Variants in GPATCH2 observed in about 807,000 individuals in gnomAD.
The protein encoded by GPATCH2 is G-patch domain containing 2, also known as G patch domain-containing protein 2.
GPATCH2 carries 51 observed loss-of-function variants against 58.0 expected under a neutral mutation model. That is an observed-to-expected ratio of 0.88 (90% CI 0.70 to 1.11). The LOEUF (loss-of-function observed/expected upper bound fraction) is 1.11. Ranked by LOEUF, GPATCH2 falls within the 50% of genes most tolerant of loss-of-function variation. The pLI is 0.00. For missense variants in GPATCH2, 625 were observed against 652.2 expected, an observed-to-expected ratio of 0.96 and a Z score of 0.45; for synonymous variants, 222 against 218.5, an observed-to-expected ratio of 1.02 and a Z score of -0.14.
chr1:217,595,517 T>C (rs1667780737), intron 5 of GPATCH2, among the ~76,000 whole-genome samples: 1 of 152,016 alleles, frequency 6.6e-6, no homozygotes, highest in African/African-American at 2.4e-5. Context: ...CTTTTTTTTT[T>C]TGATGGAGTC....
At chr1:217,456,727 T>C (rs1339309308) in intron 8 of GPATCH2, among the ~76,000 whole-genome samples, 1 of 152,220 alleles carries the variant, frequency 6.6e-6, no homozygotes. Flanking sequence ...ATAGACTCAG[T>C]AGTTTTAAAG....
At chr1:217,506,947 C>T (rs1028281674) in intron 6 of GPATCH2, among the ~76,000 whole-genome samples, 3 of 152,178 alleles carry the variant, frequency 2.0e-5, no homozygotes, top group Non-Finnish European at 2.9e-5. Flanking sequence ...CTTTAGAGTA[C>T]TTAGCTCAGT....
At chr1:217,524,862 G>C (rs1373971191) in intron 5 of GPATCH2, among the ~76,000 whole-genome samples, 4 of 7,678 alleles carry the variant, frequency 5.2e-4, no homozygotes, top group Admixed American at 1.4e-3. Context: ...AGAGGGGAGA[G>C]GGGAGAGGGG....
At chr1:217,433,361 C>CATATAT (rs1183174400) in intron 9 of GPATCH2, among the ~76,000 whole-genome samples, 53 of 118,572 alleles carry the variant, frequency 4.5e-4, no homozygotes, top group Middle Eastern at 4.9e-3. Context: ...TTAAGCTGTT[C>CATATAT]ATATATATAT....
intron 6 of GPATCH2, among the ~76,000 whole-genome samples, chr1:217,504,177 C>G (rs1662437642): frequency 6.6e-6 from 1 of 151,920 alleles, no homozygotes; most frequent in African/African-American, 2.4e-5. Flanking sequence ...GAACCTCAAA[C>G]AACAAAAAAA....
intron 5 of GPATCH2, among the ~76,000 whole-genome samples, chr1:217,549,354 T>C (rs753680340): frequency 6.6e-6 from 1 of 152,208 alleles, no homozygotes; most frequent in Non-Finnish European, 1.5e-5. Flanking sequence ...ATATCTGTTA[T>C]GTCAGGATTG....
chr1:217,590,032 T>TC (rs1667519380), intron 5 of GPATCH2, among the ~76,000 whole-genome samples: 1 of 151,810 alleles, frequency 6.6e-6, no homozygotes, highest in Non-Finnish European at 1.5e-5. Context: ...GTCTTTTTTT[T>TC]TTTTTTTTGA....
chr1:217,555,581 T>C (rs1274457613), intron 5 of GPATCH2, among the ~76,000 whole-genome samples: 1 of 152,202 alleles, frequency 6.6e-6, no homozygotes, highest in African/African-American at 2.4e-5. Flanking sequence ...AAAATGTCCA[T>C]GATACTTATT....
chr1:217,570,636 A>G (rs1261413068), intron 5 of GPATCH2, among the ~76,000 whole-genome samples: 1 of 152,196 alleles, frequency 6.6e-6, no homozygotes, highest in East Asian at 1.9e-4. Context: ...TCAAGACACC[A>G]ACAAACTAAT....
rs867633979 is a variant in GPATCH2 at position 217,495,572 on chromosome 1, A to G, written c.1206+2784T>C. Reference sequence around the variant, plus strand: ...AAAAGCTTCAGAATTAAAGAAGACAAAACAAAAAATGATGCTTCCTATAGT... The same window carrying G: ...AAAAGCTTCAGAATTAAAGAAGACAGAACAAAAAATGATGCTTCCTATAGT... On this transcript the variant is annotated intron_variant, in intron 7 of 9. Transcript: ENST00000366935. 5.1e-4 allele frequency among the ~76,000 whole-genome samples: 78 copies of G among 152,348 alleles called. 1 individual carries two copies. The Middle Eastern group carries it at 0.01, about 20-fold the overall frequency.
At chr1:217,454,450 G>A (rs1394640794) in intron 8 of GPATCH2, among the ~76,000 whole-genome samples, 1 of 151,726 alleles carries the variant, frequency 6.6e-6, no homozygotes, top group African/African-American at 2.4e-5. Flanking sequence ...TTAGCCGGGC[G>A]TGGTGGTGGG....
At chr1:217,579,897 A>G (rs934636815) in intron 5 of GPATCH2, among the ~76,000 whole-genome samples, 3 of 152,176 alleles carry the variant, frequency 2.0e-5, no homozygotes, top group African/African-American at 7.2e-5. Flanking sequence ...GTGACTGTCT[A>G]TATGGTCAAA....
At chr1:217,553,586 A>T (rs958616987) in intron 5 of GPATCH2, among the ~76,000 whole-genome samples, 1 of 152,140 alleles carries the variant, frequency 6.6e-6, no homozygotes, top group Admixed American at 6.6e-5. Flanking sequence ...ATATTTTAAG[A>T]AAAAATTAAA....
At chr1:217,590,680 C>T (rs1667552023) in intron 5 of GPATCH2, among the ~76,000 whole-genome samples, 1 of 152,082 alleles carries the variant, frequency 6.6e-6, no homozygotes, top group East Asian at 1.9e-4. Context: ...CTGATACATC[C>T]CCTAACACCA....
rs1217230756 is a variant in GPATCH2 at position 217,429,113 on chromosome 1, C to T, written c.*2032G>A. On this transcript the variant is annotated 3_prime_UTR_variant, in exon 10 of 10. Transcript: ENST00000366935. ...GCAATCAAATTAACAAAACCTCAAA[C>T]ACCAAATTTTGAATAGACCCCAGAG... The T allele has an allele frequency of 6.6e-6, 1 of 152,090 alleles. No homozygotes were observed. The highest frequency in any genetic ancestry group is 6.6e-5 in the Admixed American group (1 of 15,260). 9.4% of individuals were successfully genotyped at this position (152,090 alleles called of 1,614,324 possible). A position where few individuals can be genotyped will look rare whatever the true frequency, so the allele number is the denominator to read the frequency against.
chr1:217,535,572 C>G, intron 5 of GPATCH2, among the ~76,000 whole-genome samples: 1 of 152,238 alleles, frequency 6.6e-6, no homozygotes, highest in African/African-American at 2.4e-5. Context: ...AGGATGGTCT[C>G]GATCTCCTGA....
chr1:217,609,732 T>C, intron 5 of GPATCH2: 4 of 948,376 alleles, frequency 4.2e-6, no homozygotes, highest in Non-Finnish European at 5.0e-6. Flanking sequence ...CAATGCATCA[T>C]GATTTTTATT....
chr1:217,491,054 T>C (rs1661703946), intron 8 of GPATCH2, among the ~76,000 whole-genome samples: 1 of 152,200 alleles, frequency 6.6e-6, no homozygotes, highest in Non-Finnish European at 1.5e-5. Flanking sequence ...AGTTATCTGT[T>C]CTTAAGAATA....
intron 9 of GPATCH2, among the ~76,000 whole-genome samples, chr1:217,441,735 GA>G (rs1179644640): frequency 6.6e-6 from 1 of 151,972 alleles, no homozygotes; most frequent in Non-Finnish European, 1.5e-5. Flanking sequence ...CAACAAATAT[GA>G]AAAAAAGCTC....
Sources: allele counts gnomAD v4.1 joint callset (sites outside exome capture counted in the v4.1 genomes callset), GRCh38; gene constraint gnomAD v4.1.1; transcripts MANE v1.5; gene names NCBI Gene and HGNC (gene_info 2026-07-23, HGNC 2026-07-21).